Variants in PRKN observed in about 807,000 individuals in gnomAD.
PRKN encodes the protein E3 ubiquitin-protein ligase parkin.
A neutral mutation model predicts 59.5 loss-of-function variants in PRKN; 56 were observed. The ratio of observed to expected loss-of-function variants is 0.94; its 90% confidence interval spans 0.76 to 1.18. The LOEUF (loss-of-function observed/expected upper bound fraction) is 1.18. Ranked by LOEUF, PRKN falls within the 50% of genes most tolerant of loss-of-function variation. PRKN has a pLI of 0.00. For synonymous variants in PRKN, 250 were observed against 222.1 expected (o/e 1.13, Z -1.12); for missense variants, 657 against 596.4 (o/e 1.10, Z -1.06).
intron 1 of PRKN, among the ~76,000 whole-genome samples, chr6:162,640,814 C>G (rs547374019): frequency 3.3e-5 from 5 of 152,248 alleles, no homozygotes; most frequent in African/African-American, 1.2e-4. Context: ...GGCCTTTCCA[C>G]AGGTTCTGAA....
In PRKN at chr6:161,755,591, C is replaced by T. The variant is rs1788883046; in HGVS notation, c.871+30181G>A. Among the ~76,000 whole-genome samples the T allele has an allele frequency of 3.3e-5, 5 of 151,956 alleles. No individual in the cohort carries two copies. The South Asian group carries it at 1.0e-3, about 32-fold the overall frequency. ...ACTTAAAACAGTGCCTCGACTACGG[C>T]AAGCAGAATTGAAATTATGATGATG... On this transcript the variant is annotated intron_variant, in intron 7 of 11. Coordinates refer to ENST00000366898, the MANE Select transcript of PRKN (RefSeq NM_004562.3).
In PRKN at chr6:161,379,304, C is replaced by T. The variant is rs4077416; in HGVS notation, c.1167+7490G>A. Among the ~76,000 whole-genome samples, 9,931 of 152,104 alleles carry T rather than the reference C, an allele frequency of 0.065. 451 individuals carry two copies. The highest frequency in any genetic ancestry group is 0.2 in the South Asian group (951 of 4,826). On this transcript the variant is annotated intron_variant, in intron 10 of 11. Coordinates refer to ENST00000366898, the MANE Select transcript of PRKN (RefSeq NM_004562.3). This position sits in a 1 kb window ranked among gnomAD's most constrained non-coding sequence, Gnocchi z 4.9. Reference sequence around the variant, plus strand: ...GCCACCTAGAGGTCTTCTCTAAGGGCGAGGGGAATCTAGAATGAGTAGGAG... The same window carrying T: ...GCCACCTAGAGGTCTTCTCTAAGGGTGAGGGGAATCTAGAATGAGTAGGAG...
At chr6:162,383,633 A>G (rs1342455938) in intron 2 of PRKN, among the ~76,000 whole-genome samples, 1 of 152,198 alleles carries the variant, frequency 6.6e-6, no homozygotes, top group African/African-American at 2.4e-5. Flanking sequence ...ATTAGCTTCA[A>G]CTTAAAGTCA....
chr6:161,819,019 C>T (rs769262490), intron 6 of PRKN, among the ~76,000 whole-genome samples: 13 of 152,154 alleles, frequency 8.5e-5, no homozygotes, highest in Admixed American at 3.3e-4. Context: ...ATACCCTCAA[C>T]GCACTGCGGT....
intron 2 of PRKN, among the ~76,000 whole-genome samples, chr6:162,283,852 G>A (rs1231098426): frequency 6.6e-6 from 1 of 152,152 alleles, no homozygotes; most frequent in Non-Finnish European, 1.5e-5. Context: ...CCTGCTTGAT[G>A]TGTTAAGCTC....
intron 2 of PRKN, among the ~76,000 whole-genome samples, chr6:162,301,460 G>A (rs1416833172): frequency 6.6e-5 from 10 of 152,112 alleles, no homozygotes; most frequent in Admixed American, 3.3e-4. Context: ...ACTACTGACA[G>A]GGCGGCCTAG....
intron 1 of PRKN, among the ~76,000 whole-genome samples, chr6:162,583,952 G>A (rs1377055295): frequency 3.3e-5 from 5 of 152,106 alleles, no homozygotes; most frequent in African/African-American, 7.2e-5. Context: ...GGTGGCTCAC[G>A]CCTGTAATCC....
At position 162,447,327 on chromosome 6, in the gene PRKN, G is replaced by C. The variant is rs12193297; in HGVS notation, c.8-3854C>G. Among the ~76,000 whole-genome samples the C allele has an allele frequency of 0.46, 69,330 of 151,902 alleles. 16,347 individuals carry two copies. The highest frequency in any genetic ancestry group is 0.6 in the East Asian group (3,067 of 5,154). ...CCTCTTGGTGGACAGAAAACTTCCA[G>C]AGACCAAGAGATATGATAGAGAATA... On this transcript the variant is annotated intron_variant, in intron 1 of 11. Transcript: ENST00000366898.
intron 4 of PRKN, among the ~76,000 whole-genome samples, chr6:162,184,520 C>G (rs1783938885): frequency 6.6e-6 from 1 of 152,158 alleles, no homozygotes. Context: ...GGGCTTCTCC[C>G]TTCGTGCGGT....
chr6:161,768,225 T>C (rs1248451850), intron 7 of PRKN, among the ~76,000 whole-genome samples: 1 of 152,192 alleles, frequency 6.6e-6, no homozygotes, highest in African/African-American at 2.4e-5. Context: ...TTTTTAAGTG[T>C]TTGGGATGGC....
intron 2 of PRKN, among the ~76,000 whole-genome samples, chr6:162,366,800 G>A (rs1218501350): frequency 6.6e-6 from 1 of 152,122 alleles, no homozygotes; most frequent in Admixed American, 6.5e-5. Context: ...TTGGGAGGCT[G>A]AGACAGGAGA....
At chr6:162,100,655 T>A (rs1439740823) in intron 4 of PRKN, among the ~76,000 whole-genome samples, 1 of 152,138 alleles carries the variant, frequency 6.6e-6, no homozygotes, top group African/African-American at 2.4e-5. Context: ...TTGGCCAGGC[T>A]GCTCTCAAAC....
chr6:161,701,697 T>C (rs933557447), intron 7 of PRKN, among the ~76,000 whole-genome samples: 1 of 152,190 alleles, frequency 6.6e-6, no homozygotes, highest in Non-Finnish European at 1.5e-5. Flanking sequence ...ACGTCCAAAT[T>C]CTGTCCAAGG....
At chr6:162,246,142 T>A (rs1217983897) in intron 3 of PRKN, among the ~76,000 whole-genome samples, 1 of 152,122 alleles carries the variant, frequency 6.6e-6, no homozygotes, top group Non-Finnish European at 1.5e-5. Context: ...CTGAATTACG[T>A]CAAAATTCCT....
At chr6:161,433,142 T>C (rs1011061449) in intron 9 of PRKN, among the ~76,000 whole-genome samples, 5 of 152,224 alleles carry the variant, frequency 3.3e-5, no homozygotes, top group Admixed American at 1.3e-4. Flanking sequence ...AAAAATAGAA[T>C]GATACTGCTA....
In PRKN at chr6:161,554,983, A is replaced by G. The variant is rs1308218309; in HGVS notation, c.934-5980T>C. 1.3e-5 allele frequency among the ~76,000 whole-genome samples: 2 copies of G among 152,044 alleles called. No homozygotes were observed. The highest frequency in any genetic ancestry group is 3.9e-4 in the East Asian group (2 of 5,192). The stretch of plus-strand genomic sequence containing the variant: ...GCTGGTCATTTCTGGATCAATTTTC[A>G]CAAGCATACTGTGTCAGGAAAGTTG... On this transcript the variant is annotated intron_variant, in intron 8 of 11. Transcript: ENST00000366898. This position sits in a 1 kb window ranked among gnomAD's most constrained non-coding sequence, Gnocchi z 4.5.
At chr6:162,504,804 G>C (rs1369723527) in intron 1 of PRKN, among the ~76,000 whole-genome samples, 1 of 152,076 alleles carries the variant, frequency 6.6e-6, no homozygotes, top group Non-Finnish European at 1.5e-5. Context: ...TAAAAGATTA[G>C]TATCCAAAAT....
chr6:161,735,840 G>A (rs763503487), intron 7 of PRKN, among the ~76,000 whole-genome samples: 9 of 151,966 alleles, frequency 5.9e-5, no homozygotes, highest in Non-Finnish European at 5.9e-5. Flanking sequence ...GCTTGAACCC[G>A]GGAGGCAGAG....
chr6:161,724,127 C>T (rs530591136), intron 7 of PRKN, among the ~76,000 whole-genome samples: 1 of 152,320 alleles, frequency 6.6e-6, no homozygotes, highest in South Asian at 2.1e-4. Flanking sequence ...TTAAGGGTCC[C>T]CATCTACTGT....
Sources: gnomAD v4.1 joint callset for allele counts (sites outside exome capture counted in the v4.1 genomes callset) on GRCh38, gnomAD v4.1.1 for gene constraint, Gnocchi (gnomAD v3.1) non-coding constraint, MANE v1.5 for transcripts, NCBI Gene and HGNC (gene_info 2026-07-23, HGNC 2026-07-21) for gene names.